CEP112: variants seen among roughly 807,000 people sequenced by gnomAD.
CEP112 encodes the protein centrosomal protein of 112 kDa.
A neutral mutation model predicts 153.0 loss-of-function variants in CEP112; 127 were observed. That is an observed-to-expected ratio of 0.83 (90% CI 0.72 to 0.96). The LOEUF (loss-of-function observed/expected upper bound fraction) is 0.96. Ranked by LOEUF, CEP112 falls within the 40% of genes least tolerant of loss-of-function variation. The pLI, the probability that CEP112 is intolerant of heterozygous loss-of-function variation, is 0.00. For missense variants in CEP112, 1,089 were observed against 1,101.2 expected, an observed-to-expected ratio of 0.99 and a Z score of 0.16; for synonymous variants, 358 against 374.4, an observed-to-expected ratio of 0.96 and a Z score of 0.51.
chr17:66,119,719 TTG>T (rs2069482048), intron 6 of CEP112, among the ~76,000 whole-genome samples: 1 of 152,230 alleles, frequency 6.6e-6, no homozygotes, highest in Non-Finnish European at 1.5e-5. Context: ...TATAAAGTTT[TTG>T]TGTGAACACA....
At chr17:66,129,710 C>T in intron 6 of CEP112, 36 bp downstream of exon 6, 2 of 1,373,832 alleles carry the variant, frequency 1.5e-6, no homozygotes, top group South Asian at 1.2e-5. Flanking sequence ...GATTTTGACA[C>T]ATCTATATAT....
Position 65,899,064 on chromosome 17 carries a change from G to T in CEP112, c.2163+3088C>A, listed in dbSNP as rs116135101. 4.3e-3 allele frequency among the ~76,000 whole-genome samples: 653 copies of T among 152,216 alleles called. 7 individuals are homozygous for T. Among genetic ancestry groups the T allele is most frequent in the African/African-American group, 0.015 (606 of 41,514 alleles). The stretch of plus-strand genomic sequence containing the variant: ...AAAAGCAAAATAAGAATTACATGTA[G>T]AACTTCCATGTCAGAAGAAGCTAAG... On this transcript the variant is annotated intron_variant, in intron 20 of 26. Transcript: ENST00000535342.
chr17:65,901,751 G>C lies in CEP112; in HGVS notation c.2163+401C>G, dbSNP rs146389170. Reference sequence around the variant, plus strand: ...GGAAGGAAAAGCAAATATTAAAACAGCTGCTTGATTACCTACAGAGATTAA... The same window carrying C: ...GGAAGGAAAAGCAAATATTAAAACACCTGCTTGATTACCTACAGAGATTAA... On this transcript the variant is annotated intron_variant, in intron 20 of 26. Transcript: ENST00000535342. Among the ~76,000 whole-genome samples, 1,354 of 152,072 alleles carry C rather than the reference G, an allele frequency of 8.9e-3. 20 individuals are homozygous for C. Among genetic ancestry groups the C allele is most frequent in the African/African-American group, 0.031 (1,290 of 41,464 alleles).
intron 21 of CEP112, among the ~76,000 whole-genome samples, chr17:65,763,463 G>A (rs1320641975): frequency 2.0e-5 from 3 of 150,228 alleles, no homozygotes; most frequent in African/African-American, 7.4e-5. Flanking sequence ...TACACCTTTT[G>A]TAGATGTCTC....
intron 20 of CEP112, among the ~76,000 whole-genome samples, chr17:65,884,072 G>C (rs897462588): frequency 5.3e-5 from 8 of 152,198 alleles, no homozygotes; most frequent in South Asian, 2.1e-4. Flanking sequence ...GAACACAGAT[G>C]AGAGACGGGA....
intron 23 of CEP112, among the ~76,000 whole-genome samples, chr17:65,718,131 C>T (rs1297127777): frequency 1.3e-5 from 2 of 152,100 alleles, no homozygotes; most frequent in Non-Finnish European, 2.9e-5. Flanking sequence ...TTTGGCTGGG[C>T]GCGGTGGCTC....
At position 66,005,715 on chromosome 17, in the gene CEP112, T is replaced by C; in HGVS notation, c.1711A>G (p.Ile571Val). ...TTCAAAGCTTCCTCAAATTTATGAA[T>C]TTTCTTTTGAGTATCTTCTTTTCCT... Reference protein sequence around the residue: ...DKGKEDTQKKIHKFEEALKEK... With the variant: ...DKGKEDTQKKVHKFEEALKEK... The change falls in exon 17 of 27, where the codon ATT becomes GTT. Residue 571 changes from isoleucine (I) to valine (V), a missense_variant. Transcript: ENST00000535342. The C allele has an allele frequency of 1.2e-6, 2 of 1,610,604 alleles. No homozygotes were observed. Among genetic ancestry groups the C allele is most frequent in the Non-Finnish European group, 8.5e-7 (1 of 1,178,978 alleles).
chr17:65,744,223 T>C (rs1012101689), intron 22 of CEP112, among the ~76,000 whole-genome samples: 1 of 147,046 alleles, frequency 6.8e-6, no homozygotes, highest in East Asian at 2.0e-4. Flanking sequence ...ACTTTATGGG[T>C]TTTTTTGTGT....
At chr17:65,748,951 C>A (rs768169661) in intron 22 of CEP112, among the ~76,000 whole-genome samples, 2 of 152,066 alleles carry the variant, frequency 1.3e-5, no homozygotes, top group Non-Finnish European at 2.9e-5. Flanking sequence ...TAACGTAAAG[C>A]GAAATAAGCA....
chr17:65,671,656 ATG>A (rs1173847978), intron 24 of CEP112, among the ~76,000 whole-genome samples: 5 of 152,088 alleles, frequency 3.3e-5, no homozygotes, highest in Non-Finnish European at 7.4e-5. Context: ...CATATATAGT[ATG>A]TGTGTGTATG....
chr17:65,749,452 G>A (rs2051681601), intron 22 of CEP112, among the ~76,000 whole-genome samples: 1 of 151,996 alleles, frequency 6.6e-6, no homozygotes, highest in Non-Finnish European at 1.5e-5. Context: ...AGCTTGCAGT[G>A]AGCCGAGATT....
intron 24 of CEP112, among the ~76,000 whole-genome samples, chr17:65,686,091 G>C (rs1252064667): frequency 6.9e-6 from 1 of 144,542 alleles, no homozygotes; most frequent in Non-Finnish European, 1.5e-5. Flanking sequence ...TATTTGTTAT[G>C]CAGTTTAATT....
intron 4 of CEP112, among the ~76,000 whole-genome samples, chr17:66,161,543 A>C (rs1027416952): frequency 1.3e-5 from 2 of 152,200 alleles, no homozygotes; most frequent in Non-Finnish European, 2.9e-5. Context: ...AGGGACACGG[A>C]TGAAGCTGGA....
intron 24 of CEP112, among the ~76,000 whole-genome samples, chr17:65,667,123 T>A (rs1158727506): frequency 6.6e-6 from 1 of 152,066 alleles, no homozygotes; most frequent in East Asian, 1.9e-4. Flanking sequence ...TGGGGCTGGG[T>A]CTTTTGGTGT....
intron 21 of CEP112, among the ~76,000 whole-genome samples, chr17:65,836,786 C>G (rs966111656): frequency 1.3e-5 from 2 of 152,054 alleles, no homozygotes; most frequent in African/African-American, 2.4e-5. Context: ...ATAGACCTAA[C>G]AAGACATTTG....
At chr17:66,048,415 G>GA (rs1430603546) in intron 12 of CEP112, among the ~76,000 whole-genome samples, 1 of 151,582 alleles carries the variant, frequency 6.6e-6, no homozygotes, top group Non-Finnish European at 1.5e-5. Context: ...GTAAAGCTGG[G>GA]AAAAAAAAGT....
At chr17:65,972,995 A>T (rs1177472176) in intron 17 of CEP112, among the ~76,000 whole-genome samples, 1 of 152,160 alleles carries the variant, frequency 6.6e-6, no homozygotes, top group Non-Finnish European at 1.5e-5. Flanking sequence ...CGAACTCCTG[A>T]CCTCAGGTGA....
intron 24 of CEP112, among the ~76,000 whole-genome samples, chr17:65,663,003 T>C (rs2046471580): frequency 6.6e-6 from 1 of 152,200 alleles, no homozygotes; most frequent in South Asian, 2.1e-4. Context: ...TTCCCTCTCT[T>C]TATCTTGAAC....
At chr17:65,856,430 C>T (rs2058122717) in intron 20 of CEP112, among the ~76,000 whole-genome samples, 1 of 152,158 alleles carries the variant, frequency 6.6e-6, no homozygotes, top group South Asian at 2.1e-4. Flanking sequence ...TTATCACATA[C>T]TGTATCATCT....
Sources: allele counts gnomAD v4.1 joint callset (sites outside exome capture counted in the v4.1 genomes callset), GRCh38; gene constraint gnomAD v4.1.1; transcripts MANE v1.5; gene names NCBI Gene and HGNC (gene_info 2026-07-23, HGNC 2026-07-21).